The following ROBO2 variants were observed in gnomAD, a reference collection of about 807,000 sequenced individuals.
ROBO2 encodes the protein roundabout guidance receptor 2, also known as roundabout homolog 2.
ROBO2 carries 53 observed loss-of-function variants against 160.8 expected under a neutral mutation model. That is an observed-to-expected ratio of 0.33 (90% CI 0.26 to 0.41). The LOEUF (loss-of-function observed/expected upper bound fraction) is 0.41, where lower values mean the gene tolerates loss of function less well. Among genes scored for constraint, ROBO2 ranks in the 10% least tolerant of loss-of-function variants. The probability of loss-of-function intolerance (pLI) is 1.00; values close to 1 mark genes in which losing one functional copy is unlikely to be tolerated. For synonymous variants in ROBO2, 664 were observed against 611.7 expected, an observed-to-expected ratio of 1.09 and a Z score of -1.26; for missense variants, 1,577 against 1,722.4, an observed-to-expected ratio of 0.92 and a Z score of 1.49.
rs201518122 is a variant in ROBO2 at position 76,873,556 on chromosome 3, TTAG to T, written c.110-224441_110-224439del. Among the ~76,000 whole-genome samples, 167 of 152,012 alleles carry T rather than the reference TTAG, an allele frequency of 1.1e-3. 1 individual carries two copies. Among genetic ancestry groups the T allele is most frequent in the South Asian group, 6.0e-3 (29 of 4,808 alleles). The stretch of plus-strand genomic sequence containing the variant: ...TTGCATTTCTTAAGGAAGTTAGTAG[TTAG>T]TAGTAGTAGTAGTAGTCGTCGTCGT... On this transcript the variant is annotated intron_variant, in intron 2 of 26. Coordinates refer to the ROBO2 transcript ENST00000487694.
chr3:77,050,496 A>T (rs2065107924), intron 1 of ROBO2, among the ~76,000 whole-genome samples: 1 of 152,172 alleles, frequency 6.6e-6, no homozygotes, highest in Middle Eastern at 3.4e-3. Flanking sequence ...TTACTACTCT[A>T]ATAAACTTAC....
At chr3:77,274,339 T>C (rs1382976012) in intron 2 of ROBO2, among the ~76,000 whole-genome samples, 1 of 152,166 alleles carries the variant, frequency 6.6e-6, no homozygotes, top group Non-Finnish European at 1.5e-5. Context: ...TTAAATAGCT[T>C]TATTGTCAGG....
At chr3:77,474,840 G>A (rs2083797212) in intron 2 of ROBO2, among the ~76,000 whole-genome samples, 1 of 152,028 alleles carries the variant, frequency 6.6e-6, no homozygotes, top group Admixed American at 6.6e-5. Context: ...AAAATCCAAG[G>A]CAGAAATGAA....
chr3:76,576,781 A>AC (rs386397098), intron 2 of ROBO2, among the ~76,000 whole-genome samples: 2 of 5,332 alleles, frequency 3.8e-4, no homozygotes, highest in Non-Finnish European at 5.5e-3. Flanking sequence ...TCCGTCTCAC[A>AC]AAAAAAAAAA....
intron 2 of ROBO2, among the ~76,000 whole-genome samples, chr3:76,734,175 C>T (rs986828039): frequency 5.3e-5 from 8 of 152,136 alleles, no homozygotes; most frequent in African/African-American, 1.9e-4. Context: ...ATAATACCCA[C>T]ATTTTAGAAT....
intron 2 of ROBO2, among the ~76,000 whole-genome samples, chr3:77,451,444 A>T (rs913151257): frequency 6.6e-6 from 1 of 152,090 alleles, no homozygotes; most frequent in Non-Finnish European, 1.5e-5. Flanking sequence ...CTTTGGCTTA[A>T]TGTCCTCATG....
At chr3:76,263,477 C>T (rs1348750294) in intron 2 of ROBO2, among the ~76,000 whole-genome samples, 1 of 152,120 alleles carries the variant, frequency 6.6e-6, no homozygotes, top group Admixed American at 6.5e-5. Context: ...CCTGCCTTGA[C>T]CTCCCAAAGT....
At chr3:76,683,816 C>A (rs1338877191) in intron 2 of ROBO2, among the ~76,000 whole-genome samples, 2 of 151,980 alleles carry the variant, frequency 1.3e-5, no homozygotes, top group Non-Finnish European at 2.9e-5. Context: ...AAAACAACAA[C>A]CAAACAAGGA....
At chr3:77,283,553 A>G (rs2060385787) in intron 2 of ROBO2, among the ~76,000 whole-genome samples, 1 of 152,198 alleles carries the variant, frequency 6.6e-6, no homozygotes, top group Non-Finnish European at 1.5e-5. Flanking sequence ...ACTCTTTAAA[A>G]TGATCAAAGT....
intron 2 of ROBO2, among the ~76,000 whole-genome samples, chr3:77,461,071 CTA>C (rs1391335902): frequency 6.6e-6 from 1 of 151,890 alleles, no homozygotes. Context: ...TTTCATATGA[CTA>C]TTTTTTATAA....
chr3:77,435,338 A>G (rs931177615), intron 2 of ROBO2, among the ~76,000 whole-genome samples: 1 of 152,036 alleles, frequency 6.6e-6, no homozygotes, highest in Non-Finnish European at 1.5e-5. Context: ...ATTGATGGAA[A>G]GTATTTTATT....
intron 2 of ROBO2, among the ~76,000 whole-genome samples, chr3:76,198,686 A>T (rs375472152): frequency 6.6e-6 from 1 of 152,168 alleles, no homozygotes; most frequent in Non-Finnish European, 1.5e-5. Flanking sequence ...GTGGCCATCT[A>T]TGAGACTTCA....
chr3:76,498,214 T>C (rs1223966401), intron 2 of ROBO2, among the ~76,000 whole-genome samples: 1 of 152,200 alleles, frequency 6.6e-6, no homozygotes, highest in Non-Finnish European at 1.5e-5. Flanking sequence ...AGTTTGGAAA[T>C]ACTATAACTC....
At chr3:77,278,170 A>G (rs958194287) in intron 2 of ROBO2, among the ~76,000 whole-genome samples, 1 of 152,180 alleles carries the variant, frequency 6.6e-6, no homozygotes, top group Non-Finnish European at 1.5e-5. Flanking sequence ...CATTCTTAGA[A>G]TTAATATATA....
intron 2 of ROBO2, among the ~76,000 whole-genome samples, chr3:76,279,080 T>C (rs1355264648): frequency 6.6e-6 from 1 of 151,526 alleles, no homozygotes; most frequent in Admixed American, 6.6e-5. Context: ...ACACATATTT[T>C]AATTATGCAT....
intron 2 of ROBO2, among the ~76,000 whole-genome samples, chr3:76,481,175 T>G (rs1243651240): frequency 6.6e-6 from 1 of 152,162 alleles, no homozygotes; most frequent in African/African-American, 2.4e-5. Flanking sequence ...AGAGGCATCT[T>G]TTTTAAATGT....
chr3:77,098,413 T>C (rs988782721), intron 2 of ROBO2, 73 bp downstream of exon 2: 2 of 1,448,546 alleles, frequency 1.4e-6, no homozygotes, highest in Non-Finnish European at 1.9e-6. Flanking sequence ...TGTGTTCCCA[T>C]AGACGCTGAA....
chr3:77,100,618 T>C (rs2071781403), intron 2 of ROBO2, among the ~76,000 whole-genome samples: 1 of 152,072 alleles, frequency 6.6e-6, no homozygotes, highest in Admixed American at 6.5e-5. Context: ...CTTAGTTTAT[T>C]AATAGAAGGC....
At chr3:77,464,253 T>A (rs184073447) in intron 2 of ROBO2, among the ~76,000 whole-genome samples, 47 of 152,280 alleles carry the variant, frequency 3.1e-4, no homozygotes, top group African/African-American at 1.1e-3. Flanking sequence ...CTAAGCCCAT[T>A]ATCTTTACCA....
Sources: gnomAD v4.1 joint callset for allele counts (sites outside exome capture counted in the v4.1 genomes callset) on GRCh38, gnomAD v4.1.1 for gene constraint, MANE v1.5 for transcripts, NCBI Gene and HGNC (gene_info 2026-07-23, HGNC 2026-07-21) for gene names.